GRAMD1B: variants seen among roughly 807,000 people sequenced by gnomAD.
GRAMD1B encodes protein Aster-B.
In GRAMD1B, 37 loss-of-function variants were observed where a neutral mutation model predicts 99.7. That is an observed-to-expected ratio of 0.37 (90% CI 0.29 to 0.49). The LOEUF is 0.49. Among genes scored for constraint, GRAMD1B ranks in the 20% least tolerant of loss-of-function variants. GRAMD1B has a pLI of 0.98. For missense variants in GRAMD1B, 888 were observed against 1,009.2 expected (o/e 0.88, Z 1.63); for synonymous variants, 427 against 387.6 (o/e 1.10, Z -1.19).
chr11:123,609,755 G>T (rs1359631266), intron 12 of GRAMD1B, 40 bp from the exon 13 acceptor site: 3 of 1,159,096 alleles, frequency 2.6e-6, no homozygotes, highest in Non-Finnish European at 3.8e-6. Flanking sequence ...AGAGGGCTCT[G>T]CCCTCCCTTC....
At chr11:123,554,180 A>C (rs971575563) in intron 2 of GRAMD1B, among the ~76,000 whole-genome samples, 3 of 152,180 alleles carry the variant, frequency 2.0e-5, no homozygotes, top group Non-Finnish European at 4.4e-5. Flanking sequence ...GGGTCAGTGG[A>C]TAAAAGGAAG....
At chr11:123,491,989 T>G in intron 2 of GRAMD1B, 1 of 399,080 alleles carries the variant, frequency 2.5e-6, no homozygotes, top group Non-Finnish European at 4.4e-6. Context: ...GAGATTAGGT[T>G]TGGGATTGCC....
chr11:123,504,230 T>C (rs1398420981), intron 2 of GRAMD1B, among the ~76,000 whole-genome samples: 1 of 152,202 alleles, frequency 6.6e-6, no homozygotes, highest in Non-Finnish European at 1.5e-5. Context: ...GCCAAGGCCC[T>C]CAGTCTTGCA....
At position 123,587,945 on chromosome 11, in the gene GRAMD1B, C is replaced by G. The variant is rs1441648876; in HGVS notation, c.684+3613C>G. 6.6e-6 allele frequency among the ~76,000 whole-genome samples: 1 copy of G among 152,080 alleles called. No individual in the cohort carries two copies. Among genetic ancestry groups the G allele is most frequent in the Non-Finnish European group, 1.5e-5 (1 of 68,014 alleles). On this transcript the variant is annotated intron_variant, in intron 4 of 19. Coordinates refer to ENST00000635736, the MANE Select transcript of GRAMD1B (RefSeq NM_001387025.1). The surrounding 1 kb of genome is among the most constrained non-coding windows in gnomAD (Gnocchi z 4.2). The stretch of plus-strand genomic sequence containing the variant: ...GTCTCCCCTCTCTATTTACTCCCAA[C>G]TTGAAGGGTCTTCCTGCCTCCCTTC...
chr11:123,541,083 C>G (rs1000793471), intron 2 of GRAMD1B, among the ~76,000 whole-genome samples: 14 of 152,106 alleles, frequency 9.2e-5, no homozygotes, highest in Non-Finnish European at 1.6e-4. Flanking sequence ...AAGGAGTTCT[C>G]CTGCCTCAGC....
At chr11:123,374,485 T>C (rs1362957106) in intron 1 of GRAMD1B, among the ~76,000 whole-genome samples, 1 of 152,194 alleles carries the variant, frequency 6.6e-6, no homozygotes, top group African/African-American at 2.4e-5. Flanking sequence ...TTACTATCTT[T>C]GGAATAAAAG....
intron 2 of GRAMD1B, among the ~76,000 whole-genome samples, chr11:123,575,628 C>T (rs1394995860): frequency 1.3e-5 from 2 of 152,148 alleles, no homozygotes; most frequent in Non-Finnish European, 2.9e-5. Flanking sequence ...AGGAGGCTCA[C>T]CCCAGAAAGA....
chr11:123,553,045 T>A (rs1448823786), intron 2 of GRAMD1B, among the ~76,000 whole-genome samples: 1 of 152,250 alleles, frequency 6.6e-6, no homozygotes, highest in Non-Finnish European at 1.5e-5. Flanking sequence ...TGCCGCATAT[T>A]TCAATCACTT....
chr11:123,401,006 GCT>G (rs139874399), intron 1 of GRAMD1B, among the ~76,000 whole-genome samples: 2 of 151,906 alleles, frequency 1.3e-5, no homozygotes, highest in African/African-American at 4.8e-5. Context: ...AACAGAGCAT[GCT>G]CTCTCTCTCT....
intron 2 of GRAMD1B, among the ~76,000 whole-genome samples, chr11:123,495,209 T>C (rs1939102714): frequency 1.3e-5 from 2 of 151,950 alleles, no homozygotes; most frequent in African/African-American, 4.8e-5. Context: ...TACTGTAATA[T>C]AATGAAACAA....
intron 2 of GRAMD1B, among the ~76,000 whole-genome samples, chr11:123,498,421 G>C (rs192936520): frequency 6.6e-6 from 1 of 152,210 alleles, no homozygotes; most frequent in South Asian, 2.1e-4. Context: ...GGAGAATAAC[G>C]GAGGGGAGGC....
chr11:123,467,924 C>T (rs532670779), intron 1 of GRAMD1B, among the ~76,000 whole-genome samples: 83 of 146,428 alleles, frequency 5.7e-4, no homozygotes, highest in South Asian at 3.2e-3. Flanking sequence ...AGTGAAGTGG[C>T]GCAGTCTGAG....
At chr11:123,403,433 A>G (rs1030511710) in intron 1 of GRAMD1B, among the ~76,000 whole-genome samples, 11 of 138,928 alleles carry the variant, frequency 7.9e-5, no homozygotes, top group Admixed American at 2.2e-4. Context: ...GTCTCAAAAT[A>G]ATGATGATGA....
At chr11:123,489,486 C>T (rs1938294872) in intron 2 of GRAMD1B, among the ~76,000 whole-genome samples, 1 of 152,108 alleles carries the variant, frequency 6.6e-6, no homozygotes. Flanking sequence ...AAAGATTGTC[C>T]ACTGAAGACA....
chr11:123,479,536 T>C (rs1203662388), intron 1 of GRAMD1B, among the ~76,000 whole-genome samples: 1 of 152,194 alleles, frequency 6.6e-6, no homozygotes, highest in East Asian at 1.9e-4. Flanking sequence ...TTTATGGTAA[T>C]AGGGATTTAT....
Position 123,605,307 on chromosome 11 carries a change from G to T in GRAMD1B, c.1167-15G>T. The T allele has an allele frequency of 6.3e-7, 1 of 1,586,806 alleles. No homozygotes were observed. The highest frequency in any genetic ancestry group is 8.6e-7 in the Non-Finnish European group (1 of 1,163,554). On this transcript the variant is annotated splice_polypyrimidine_tract_variant and intron_variant, in intron 9 of 19. Coordinates refer to ENST00000635736, the MANE Select transcript of GRAMD1B (RefSeq NM_001387025.1). ...CCACTGAGGGTAATGTGGACTCACT[G>T]GTGTCTCCTCTCAGATACTGTGAAG... is the stretch of plus-strand genomic sequence containing the variant.
intron 14 of GRAMD1B, among the ~76,000 whole-genome samples, chr11:123,611,995 G>A (rs1185122768): frequency 6.6e-6 from 1 of 152,212 alleles, no homozygotes; most frequent in South Asian, 2.1e-4. Context: ...AGTGTGACCA[G>A]TGACTGGGAG....
At position 123,624,154 on chromosome 11, in the gene GRAMD1B, G is replaced by A. The variant is rs377118225; in HGVS notation, c.*1559G>A. On this transcript the variant is annotated 3_prime_UTR_variant, in exon 20 of 20. Coordinates refer to ENST00000635736, the MANE Select transcript of GRAMD1B (RefSeq NM_001387025.1). ...GTCATAGCCAGTTTGGCATGCAGAGGTCTTCAGTCTTGCTTATTCTTCTCC... is the reference window on the plus strand; with the variant it reads ...GTCATAGCCAGTTTGGCATGCAGAGATCTTCAGTCTTGCTTATTCTTCTCC... The A allele has an allele frequency of 1.1e-4, 17 of 152,200 alleles. No homozygotes were observed. Among genetic ancestry groups the A allele is most frequent in the Non-Finnish European group, 2.4e-4 (16 of 68,042 alleles). 9.4% of individuals were successfully genotyped at this position (152,200 alleles called of 1,614,324 possible).
At chr11:123,572,956 C>T (rs1434460257) in intron 2 of GRAMD1B, among the ~76,000 whole-genome samples, 8 of 147,392 alleles carry the variant, frequency 5.4e-5, no homozygotes, top group African/African-American at 7.6e-5. Context: ...GGGGCAGGGG[C>T]GCAGGTAGAC....
Sources: allele counts gnomAD v4.1 joint callset (sites outside exome capture counted in the v4.1 genomes callset), GRCh38; gene constraint gnomAD v4.1.1; non-coding constraint Gnocchi (gnomAD v3.1); transcripts MANE v1.5; gene names NCBI Gene and HGNC (gene_info 2026-07-23, HGNC 2026-07-21).